Variants in ADGRB3 observed in about 807,000 individuals in gnomAD.
ADGRB3 encodes the protein adhesion G protein-coupled receptor B3, also known as brain-specific angiogenesis inhibitor 3.
Under a neutral mutation model 193.4 loss-of-function variants are expected in ADGRB3, and 37 were observed. That is an observed-to-expected ratio of 0.19 (90% CI 0.15 to 0.25). The LOEUF (loss-of-function observed/expected upper bound fraction) is 0.25, where lower values mean the gene tolerates loss of function less well. Ranked by LOEUF, ADGRB3 falls within the 10% of genes least tolerant of loss-of-function variation. The pLI is 1.00. For missense variants in ADGRB3, 1,637 were observed against 1,852.9 expected (o/e 0.88, Z 2.14); for synonymous variants, 690 against 644.2 (o/e 1.07, Z -1.08).
chr6:68,874,420 A>G (rs1765536725), intron 3 of ADGRB3, among the ~76,000 whole-genome samples: 1 of 152,132 alleles, frequency 6.6e-6, no homozygotes, highest in African/African-American at 2.4e-5. Flanking sequence ...TATAGACTCA[A>G]ACACACTTTA....
At chr6:68,872,989 G>C (rs1765502655) in intron 3 of ADGRB3, among the ~76,000 whole-genome samples, 1 of 152,038 alleles carries the variant, frequency 6.6e-6, no homozygotes, top group Non-Finnish European at 1.5e-5. Context: ...GAAATGTATT[G>C]AATATTTGGC....
At chr6:69,185,375 CTAAGAGAG>C (rs2150352873) in intron 17 of ADGRB3, among the ~76,000 whole-genome samples, 1 of 152,140 alleles carries the variant, frequency 6.6e-6, no homozygotes, top group African/African-American at 2.4e-5. Context: ...CATTAGGCTG[CTAAGAGAG>C]TATATAAACC....
chr6:68,967,220 A>C (rs191773981), intron 8 of ADGRB3, among the ~76,000 whole-genome samples: 71 of 152,336 alleles, frequency 4.7e-4, no homozygotes, highest in Middle Eastern at 3.4e-3. Flanking sequence ...CAAAACAAAA[A>C]GTTGTTGACA....
chr6:68,845,126 A>G (rs1003507815), intron 3 of ADGRB3, among the ~76,000 whole-genome samples: 1 of 152,230 alleles, frequency 6.6e-6, no homozygotes, highest in Non-Finnish European at 1.5e-5. Context: ...CTGTAACACA[A>G]GAAAGGGTTA....
chr6:69,225,460 A>G (rs145358728), intron 17 of ADGRB3, among the ~76,000 whole-genome samples: 224 of 152,272 alleles, frequency 1.5e-3, no homozygotes, highest in African/African-American at 5.2e-3. Flanking sequence ...CACTGTGTCT[A>G]GTCCTCACTG....
chr6:68,897,763 G>C (rs1766276094), intron 3 of ADGRB3, among the ~76,000 whole-genome samples: 1 of 124,876 alleles, frequency 8.0e-6, no homozygotes, highest in African/African-American at 3.0e-5. Flanking sequence ...GGGAGGAAAA[G>C]GGAGGGAGGA....
chr6:68,833,565 A>ATTTTTTTTTTTTTTTTTTT, intron 3 of ADGRB3, among the ~76,000 whole-genome samples: 1 of 149,938 alleles, frequency 6.7e-6, no homozygotes, highest in Non-Finnish European at 1.5e-5. Flanking sequence ...CTGGATAAGT[A>ATTTTTTTTTTTTTTTTTTT]TTCTTATATT....
At chr6:69,268,207 G>A (rs1482789091) in intron 20 of ADGRB3, among the ~76,000 whole-genome samples, 1 of 152,096 alleles carries the variant, frequency 6.6e-6, no homozygotes, top group East Asian at 1.9e-4. Flanking sequence ...TTTTTCCAAT[G>A]TGTTTTTATA....
intron 3 of ADGRB3, among the ~76,000 whole-genome samples, chr6:68,655,491 T>A (rs1375867146): frequency 6.6e-6 from 1 of 151,734 alleles, no homozygotes; most frequent in Non-Finnish European, 1.5e-5. Flanking sequence ...AATTCTTTAT[T>A]ACAACAAATA....
At chr6:69,011,439 C>T (rs561855428) in intron 11 of ADGRB3, among the ~76,000 whole-genome samples, 1 of 151,752 alleles carries the variant, frequency 6.6e-6, no homozygotes, top group African/African-American at 2.4e-5. Context: ...TACTCATGCA[C>T]ATAAAAATGG....
chr6:68,636,618 A>G (rs1217885515), intron 1 of ADGRB3, among the ~76,000 whole-genome samples: 1 of 151,976 alleles, frequency 6.6e-6, no homozygotes, highest in African/African-American at 2.4e-5. Context: ...TTTAGAACAA[A>G]ATAAGACTGT....
intron 17 of ADGRB3, among the ~76,000 whole-genome samples, chr6:69,179,654 G>A (rs1407858273): frequency 1.3e-5 from 2 of 151,958 alleles, no homozygotes; most frequent in Non-Finnish European, 2.9e-5. Context: ...TTTTTTTCTA[G>A]ATAATATTAT....
At chr6:68,837,525 G>A (rs1371177587) in intron 3 of ADGRB3, among the ~76,000 whole-genome samples, 1 of 152,118 alleles carries the variant, frequency 6.6e-6, no homozygotes, top group Non-Finnish European at 1.5e-5. Flanking sequence ...GATTTCTGTA[G>A]AGTATATATC....
intron 11 of ADGRB3, among the ~76,000 whole-genome samples, chr6:69,009,872 C>G (rs185441403): frequency 3.2e-4 from 49 of 152,080 alleles, no homozygotes; most frequent in Admixed American, 2.0e-3. Flanking sequence ...ACTCTATTTC[C>G]ATGGAAATAG....
intron 3 of ADGRB3, among the ~76,000 whole-genome samples, chr6:68,811,352 T>A (rs538051248): frequency 7.9e-5 from 12 of 152,342 alleles, no homozygotes; most frequent in Non-Finnish European, 1.6e-4. Flanking sequence ...AGTTTATATA[T>A]AACATAAGCA....
At chr6:68,920,704 G>A (rs1767018806) in intron 3 of ADGRB3, among the ~76,000 whole-genome samples, 1 of 151,922 alleles carries the variant, frequency 6.6e-6, no homozygotes, top group Non-Finnish European at 1.5e-5. Flanking sequence ...GTGTCAGGGT[G>A]AGGTAAATCA....
At chr6:68,646,453 G>A (rs1768216421) in intron 3 of ADGRB3, among the ~76,000 whole-genome samples, 1 of 141,576 alleles carries the variant, frequency 7.1e-6, no homozygotes, top group East Asian at 2.3e-4. Context: ...CTCCAGCCTG[G>A]CCAACAAGAG....
intron 3 of ADGRB3, among the ~76,000 whole-genome samples, chr6:68,920,658 C>T (rs1381172239): frequency 6.6e-6 from 1 of 151,704 alleles, no homozygotes; most frequent in Non-Finnish European, 1.5e-5. Context: ...AAACTTAACC[C>T]TAAATTTCTA....
intron 3 of ADGRB3, among the ~76,000 whole-genome samples, chr6:68,874,438 C>T (rs17260682): frequency 1.3e-5 from 2 of 151,824 alleles, no homozygotes; most frequent in Admixed American, 1.3e-4. Context: ...TTAAAACATT[C>T]TTTTATCAAA....
Sources: allele counts gnomAD v4.1 joint callset (sites outside exome capture counted in the v4.1 genomes callset), GRCh38; gene constraint gnomAD v4.1.1; transcripts MANE v1.5; gene names NCBI Gene and HGNC (gene_info 2026-07-23, HGNC 2026-07-21).